The following RIBC2 variants were observed in gnomAD, a reference collection of about 807,000 sequenced individuals.
The protein encoded by RIBC2 is RIB43A domain with coiled-coils 2, also known as RIB43A-like with coiled-coils protein 2.
In RIBC2, 40 loss-of-function variants were observed where a neutral mutation model predicts 44.3. That is an observed-to-expected ratio of 0.90 (90% CI 0.70 to 1.18). RIBC2 has a LOEUF of 1.18. Ranked by LOEUF, RIBC2 falls within the 50% of genes most tolerant of loss-of-function variation. The pLI is 0.00. For missense variants in RIBC2, 459 were observed against 485.5 expected, an observed-to-expected ratio of 0.95 and a Z score of 0.51; for synonymous variants, 171 against 175.0, an observed-to-expected ratio of 0.98 and a Z score of 0.18.
chr22:45,417,922 G>T lies in RIBC2; in HGVS notation c.532G>T (p.Ala178Ser). 1 of 1,605,896 alleles carries T rather than the reference G, an allele frequency of 6.2e-7. No individual in the cohort carries two copies. The highest frequency in any genetic ancestry group is 8.5e-7 in the Non-Finnish European group (1 of 1,175,656). ...SLQQQREWKN[A>S]RAEQKCAEAL... is the part of the protein sequence containing the mutation. ...GCAGCAGCAAAGGGAATGGAAGAAC[G>T]CCCGTGCTGAACAAAAATGCGCAGG... The change falls in exon 3 of 7, where the codon GCC (alanine) becomes TCC (serine). Residue 178 changes from alanine (A) to serine (S), a missense_variant. Coordinates refer to ENST00000614167, the MANE Select transcript of RIBC2 (RefSeq NM_015653.5).
In RIBC2 at chr22:45,432,489, A is replaced by C. The variant is rs1268624248; in HGVS notation, c.*127A>C. On this transcript the variant is annotated 3_prime_UTR_variant, in exon 7 of 7. Transcript: ENST00000614167. ...CTTCAGCTGTAATCGTCCACTGTGG[A>C]CAAAACATTTATCTAACCTCTCCCG... The C allele has an allele frequency of 1.4e-5, 9 of 631,194 alleles. No homozygotes were observed. The highest frequency in any genetic ancestry group is 1.3e-4 in the African/African-American group (7 of 53,782). The allele number at this position is 631,194 out of a possible 1,614,324, so 39.1% of individuals were successfully genotyped here.
intron 5 of RIBC2, among the ~76,000 whole-genome samples, chr22:45,428,476 G>T (rs921836096): frequency 6.6e-6 from 1 of 152,178 alleles, no homozygotes; most frequent in African/African-American, 2.4e-5. Flanking sequence ...TGCTGGAGCC[G>T]TGTCCCTGGG....
At chr22:45,430,486 C>T (rs144813161) in intron 5 of RIBC2, among the ~76,000 whole-genome samples, 9 of 152,138 alleles carry the variant, frequency 5.9e-5, no homozygotes, top group South Asian at 2.1e-4. Flanking sequence ...AGGTGATCTG[C>T]GTTCAGCTGT....
intron 5 of RIBC2, among the ~76,000 whole-genome samples, chr22:45,428,466 T>TG (rs1474558758): frequency 6.6e-6 from 1 of 152,074 alleles, no homozygotes; most frequent in African/African-American, 2.4e-5. Flanking sequence ...AGGAGAGACT[T>TG]GCTGGAGCCG....
At chr22:45,416,821 A>G (rs1310787738) in intron 2 of RIBC2, among the ~76,000 whole-genome samples, 1 of 151,124 alleles carries the variant, frequency 6.6e-6, no homozygotes, top group African/African-American at 2.4e-5. Context: ...AGCATTTTAA[A>G]TATTTTGCCT....
At chr22:45,418,614 C>T (rs1302248588) in intron 3 of RIBC2, among the ~76,000 whole-genome samples, 1 of 152,208 alleles carries the variant, frequency 6.6e-6, no homozygotes, top group Non-Finnish European at 1.5e-5. Flanking sequence ...CATCCCTGCT[C>T]TCTTGGGGTG....
chr22:45,426,803 C>T (rs1036432962), intron 5 of RIBC2, among the ~76,000 whole-genome samples: 75 of 152,234 alleles, frequency 4.9e-4, no homozygotes, highest in African/African-American at 1.8e-3. Flanking sequence ...GCAGTGTTCA[C>T]AGCGAGAGGT....
At chr22:45,425,301 G>T (rs1026050231) in intron 4 of RIBC2, among the ~76,000 whole-genome samples, 19 of 152,112 alleles carry the variant, frequency 1.2e-4, no homozygotes, top group African/African-American at 4.1e-4. Flanking sequence ...TGGGAGGCCG[G>T]CTCCTTGCAA....
At chr22:45,431,741 G>A (rs566494458) in intron 6 of RIBC2, among the ~76,000 whole-genome samples, 12 of 152,138 alleles carry the variant, frequency 7.9e-5, no homozygotes, top group African/African-American at 1.2e-4. Context: ...AGGCTGAGGC[G>A]GGCGGATTAT....
Position 45,414,234 on chromosome 22 carries a change from A to G in RIBC2, c.130-88A>G, listed in dbSNP as rs558262958. On this transcript the variant is annotated intron_variant, in intron 1 of 6. Coordinates refer to ENST00000614167, the MANE Select transcript of RIBC2 (RefSeq NM_015653.5). Reference sequence around the variant, plus strand: ...TTCTACAACTCGTTTACAGTGGGGCAGAGATTAAAAATAATAATAAGTAGG... The same window carrying G: ...TTCTACAACTCGTTTACAGTGGGGCGGAGATTAAAAATAATAATAAGTAGG... 425 of 1,503,582 alleles carry G rather than the reference A, an allele frequency of 2.8e-4. 2 individuals carry two copies. In the Middle Eastern group the frequency reaches 7.4e-3, roughly 26 times the overall value. The allele number at this position is 1,503,582 out of a possible 1,614,324, so 93.1% of individuals were successfully genotyped here.
intron 3 of RIBC2, 81 bp from the exon 4 acceptor site, chr22:45,422,209 G>A (rs2087492216): frequency 3.3e-6 from 3 of 914,020 alleles, no homozygotes; most frequent in Non-Finnish European, 5.5e-6. Flanking sequence ...GGACGTGGTA[G>A]GAGGCAAAGG....
rs1301643270 is a variant in RIBC2 at position 45,413,855 on chromosome 22, C to T, written c.-32C>T. On this transcript the variant is annotated 5_prime_UTR_variant, in exon 1 of 7. Transcript: ENST00000614167. ...TATTTTCGTCGCCTGTTCTCCTGATCCTGCGTGTTCTAAAAACCCCTTAGG... is the reference window on the plus strand; with the variant it reads ...TATTTTCGTCGCCTGTTCTCCTGATTCTGCGTGTTCTAAAAACCCCTTAGG... 8 of 1,528,028 alleles carry T rather than the reference C, an allele frequency of 5.2e-6. No individual in the cohort carries two copies. Among genetic ancestry groups the T allele is most frequent in the East Asian group, 2.5e-5 (1 of 40,442 alleles). 94.7% of individuals were successfully genotyped at this position (1,528,028 alleles called of 1,614,324 possible). A position where few individuals can be genotyped will look rare whatever the true frequency, so the allele number is the denominator to read the frequency against.
chr22:45,417,934 C>A lies in RIBC2; in HGVS notation c.544C>A (p.Gln182Lys). ...QREWKNARAE[Q>K]KCAEALYTET... The stretch of plus-strand genomic sequence containing the variant: ...GGAATGGAAGAACGCCCGTGCTGAA[C>A]AAAAATGCGCAGGTAATGAAACAGA... The change falls in exon 3 of 7, where the codon CAA (glutamine) becomes AAA (lysine). Residue 182 changes from glutamine to lysine, a missense_variant. By Grantham distance (53) the Gln-to-Lys change is moderately conservative. Transcript: ENST00000614167. The A allele has an allele frequency of 6.3e-7, 1 of 1,580,974 alleles. No individual in the cohort carries two copies. Among genetic ancestry groups the A allele is most frequent in the Non-Finnish European group, 8.6e-7 (1 of 1,160,862 alleles).
intron 6 of RIBC2, 79 bp downstream of exon 6, chr22:45,431,145 G>T: frequency 1.4e-6 from 2 of 1,465,072 alleles, no homozygotes; most frequent in Non-Finnish European, 1.8e-6. Context: ...AGGACGAGGA[G>T]GGGGCAGGAG....
intron 3 of RIBC2, among the ~76,000 whole-genome samples, chr22:45,421,755 T>G (rs1201638920): frequency 6.6e-6 from 1 of 151,730 alleles, no homozygotes; most frequent in Non-Finnish European, 1.5e-5. Context: ...AATCTTCACA[T>G]TTTGCTTTTG....
chr22:45,425,859 G>A (rs1459810565), intron 4 of RIBC2, 89 bp from the exon 5 acceptor site: 36 of 1,127,920 alleles, frequency 3.2e-5, no homozygotes, highest in Non-Finnish European at 4.5e-5. Context: ...TCCTCCCCTC[G>A]AGGGCCCCCA....
chr22:45,430,301 C>T (rs1407729249), intron 5 of RIBC2, among the ~76,000 whole-genome samples: 1 of 152,206 alleles, frequency 6.6e-6, no homozygotes, highest in Non-Finnish European at 1.5e-5. Flanking sequence ...GGGAAGTACC[C>T]CTTCCTCCAC....
chr22:45,432,326 A>G lies in RIBC2; in HGVS notation c.1113A>G (p.Gly371=). The change falls in exon 7 of 7, where the codon GGA becomes GGG. Residue 371 remains glycine, a synonymous_variant. Coordinates refer to ENST00000614167, the MANE Select transcript of RIBC2 (RefSeq NM_015653.5). The part of the protein sequence containing the change: ...MNEVYTNQPT[G]DYFTQFNTGS... ...AAGTCTATACAAATCAACCCACGGG[A>G]GACTATTTCACACAATTTAATACAG... The G allele has an allele frequency of 6.2e-7, 1 of 1,601,840 alleles. No homozygotes were observed. Among genetic ancestry groups the G allele is most frequent in the Non-Finnish European group, 8.5e-7 (1 of 1,170,048 alleles).
chr22:45,422,654 CT>C, intron 4 of RIBC2: 1 of 518,050 alleles, frequency 1.9e-6, no homozygotes, highest in Non-Finnish European at 3.5e-6. Context: ...GGGAAGTCAG[CT>C]CACCTTTCTA....
Sources: gnomAD v4.1 joint callset for allele counts (sites outside exome capture counted in the v4.1 genomes callset) on GRCh38, gnomAD v4.1.1 for gene constraint, MANE v1.5 for transcripts, NCBI Gene and HGNC (gene_info 2026-07-23, HGNC 2026-07-21) for gene names.